The following FAM240C variants were observed in gnomAD, a reference collection of about 807,000 sequenced individuals.
The protein encoded by FAM240C is protein FAM240C.
Under a neutral mutation model 10.0 loss-of-function variants are expected in FAM240C, and 14 were observed. The ratio of observed to expected loss-of-function variants is 1.40; its 90% CI spans 0.92 to 2.19. FAM240C has a LOEUF of 2.19. FAM240C is among the 30% of genes most tolerant of loss of function. The probability of loss-of-function intolerance (pLI) is 0.00; values close to 1 mark genes in which losing one functional copy is unlikely to be tolerated. For missense variants in FAM240C, 154 were observed against 122.3 expected, an observed-to-expected ratio of 1.26 and a Z score of -1.22; for synonymous variants, 49 against 44.3, an observed-to-expected ratio of 1.11 and a Z score of -0.42.
At chr2:241,901,799 G>A (rs1444238189), upstream of FAM240C, among the ~76,000 whole-genome samples, 5 of 152,226 alleles carry the variant, frequency 3.3e-5, no homozygotes, top group African/African-American at 1.2e-4. The surrounding 1 kb of genome is among the most constrained non-coding windows in gnomAD (Gnocchi z 4.9). Flanking sequence ...GCAGGACTGC[G>A]TTTTTGTAAA....
At chr2:241,897,506 G>A (rs1701881650) in intron 1 of FAM240C, among the ~76,000 whole-genome samples, 172 bp from the exon 2 acceptor site, 1 of 152,160 alleles carries the variant, frequency 6.6e-6, no homozygotes, top group Non-Finnish European at 1.5e-5. Context: ...TCAGGCCTCA[G>A]GTGGCTCCTG....
Position 241,894,194 on chromosome 2 carries a change from G to T in FAM240C, c.*19C>A. 6.5e-7 allele frequency: 1 copy of T among 1,547,578 alleles called. No homozygotes were observed. Among genetic ancestry groups the T allele is most frequent in the South Asian group, 1.2e-5 (1 of 83,982 alleles). ...ATGACCCTCCGGAAGCTCATGCAGA[G>T]TCTGGAGCTCGTGGGCCCTCAGGCC... is the stretch of plus-strand genomic sequence containing the variant. On this transcript the variant is annotated 3_prime_UTR_variant, in exon 3 of 3. Coordinates refer to ENST00000404031, the MANE Select transcript of FAM240C (RefSeq NM_001382368.1).
rs746154878 is a variant in FAM240C, at chr2:241,897,267, A to G, written c.80T>C (p.Met27Thr). 1 of 1,549,876 alleles carries G rather than the reference A, an allele frequency of 6.5e-7. No individual in the cohort carries two copies. Among genetic ancestry groups the G allele is most frequent in the South Asian group, 1.2e-5 (1 of 84,066 alleles). The stretch of plus-strand genomic sequence containing the variant: ...ATGCTCGATTTTTTTCTCCCAAAAC[A>G]TCTTTATCCCGCCTGAATCGTATGC... ...RVAYDSGGIK[M>T]FWEKKIEHHA... Residue 27 changes from methionine to threonine, a missense_variant, in exon 2 of 3, where the codon ATG becomes ACG. Transcript: ENST00000404031.
At chr2:241,899,493 C>T (rs1012065498) in intron 1 of FAM240C, among the ~76,000 whole-genome samples, 4 of 152,204 alleles carry the variant, frequency 2.6e-5, no homozygotes, top group African/African-American at 4.8e-5. Context: ...CAGTCAGGGC[C>T]GGGCCCAGCT....
intron 2 of FAM240C, among the ~76,000 whole-genome samples, chr2:241,896,714 G>GAA (rs1183128716): frequency 8.7e-3 from 13 of 1,498 alleles, no homozygotes; most frequent in Non-Finnish European, 0.015. Context: ...TGTGGGTGTT[G>GAA]GGGGTGTGTG....
upstream of FAM240C, among the ~76,000 whole-genome samples, chr2:241,900,829 C>G (rs1701966351): frequency 6.6e-6 from 1 of 152,102 alleles, no homozygotes; most frequent in African/African-American, 2.4e-5. This position sits in a 1 kb window ranked among gnomAD's most constrained non-coding sequence, Gnocchi z 4.5. Flanking sequence ...ACACTCAAGG[C>G]AGGTGTGGAA....
At chr2:241,899,038 CAG>C in intron 1 of FAM240C, 6 of 993,538 alleles carry the variant, frequency 6.0e-6, no homozygotes, top group Non-Finnish European at 7.1e-6. Flanking sequence ...GGGAAGAACA[CAG>C]GGTGGCAGGA....
At chr2:241,896,938 G>T (rs1465783332) in intron 2 of FAM240C, among the ~76,000 whole-genome samples, 1 of 151,748 alleles carries the variant, frequency 6.6e-6, no homozygotes, top group Non-Finnish European at 1.5e-5. Context: ...TGAGCTCCTG[G>T]TCTCACGGTT....
chr2:241,894,283 G>A lies in FAM240C; in HGVS notation c.218C>T (p.Pro73Leu), dbSNP rs1701732526. Residue 73 changes from proline (P) to leucine (L), a missense_variant, in exon 3 of 3, where the codon CCA becomes CTA. Pro to Leu is a moderately conservative substitution (Grantham distance 98, BLOSUM62 -3). Coordinates refer to ENST00000404031, the MANE Select transcript of FAM240C (RefSeq NM_001382368.1). ...CGGGACCCTGTCTGGGCATCTCCCT[G>A]GGCCCTGCAGCATCTTGTTCCTCCC... ...LEGRNKMLQG[P>L]GRCPDRVPEA... 1.3e-6 allele frequency: 2 copies of A among 1,549,618 alleles called. No homozygotes were observed. The highest frequency in any genetic ancestry group is 1.7e-6 in the Non-Finnish European group (2 of 1,146,736).
chr2:241,899,458 G>A (rs568479979), intron 1 of FAM240C: 17 of 520,152 alleles, frequency 3.3e-5, no homozygotes, highest in Non-Finnish European at 4.2e-5. Flanking sequence ...CATCCAATGA[G>A]GAGGGTGGGA....
chr2:241,898,410 G>A (rs1701903150), intron 1 of FAM240C, among the ~76,000 whole-genome samples: 1 of 152,110 alleles, frequency 6.6e-6, no homozygotes, highest in Admixed American at 6.5e-5. Context: ...AAATTAGCCG[G>A]GATTGGTGGT....
intron 1 of FAM240C, among the ~76,000 whole-genome samples, chr2:241,898,151 T>C (rs1404976734): frequency 6.6e-6 from 1 of 152,206 alleles, no homozygotes; most frequent in Non-Finnish European, 1.5e-5. Flanking sequence ...TGCTATTTGA[T>C]GTAATATGCT....
intron 1 of FAM240C, chr2:241,899,205 G>C: frequency 1.5e-6 from 2 of 1,303,990 alleles, no homozygotes; most frequent in Non-Finnish European, 2.0e-6. Context: ...GGAGCTTGAT[G>C]TGACCCCTGG....
chr2:241,894,467 G>T, intron 2 of FAM240C, 128 bp from the exon 3 acceptor site: 10 of 1,080,560 alleles, frequency 9.3e-6, no homozygotes, highest in Non-Finnish European at 1.3e-5. Flanking sequence ...CAGGGGTGGG[G>T]GTGTCACCGC....
Position 241,894,165 on chromosome 2 carries a change from C to G in FAM240C, c.*48G>C. 6.5e-7 allele frequency: 1 copy of G among 1,527,416 alleles called. No individual in the cohort carries two copies. Among genetic ancestry groups the G allele is most frequent in the Non-Finnish European group, 8.9e-7 (1 of 1,129,730 alleles). The allele number at this position is 1,527,416 out of a possible 1,614,324, so 94.6% of individuals were successfully genotyped here. On this transcript the variant is annotated 3_prime_UTR_variant, in exon 3 of 3. Coordinates refer to ENST00000404031, the MANE Select transcript of FAM240C (RefSeq NM_001382368.1). Reference sequence around the variant, plus strand: ...TTGGACCCCACGCGTGGTGTTCCTTCTCCATGACCCTCCGGAAGCTCATGC... The same window carrying G: ...TTGGACCCCACGCGTGGTGTTCCTTGTCCATGACCCTCCGGAAGCTCATGC...
At position 241,897,292 on chromosome 2, in the gene FAM240C, C is replaced by T. The variant is rs979018032; in HGVS notation, c.55G>A (p.Ala19Thr). The T allele has an allele frequency of 1.9e-6, 3 of 1,549,692 alleles. No homozygotes were observed. The Admixed American group carries it at 5.9e-5, about 30-fold the overall frequency. The change falls in exon 2 of 3, where the codon GCA becomes ACA. Residue 19 changes from alanine (A) to threonine (T), a missense_variant. Transcript: ENST00000404031. ...SLTLKNPGRV[A>T]YDSGGIKMFW... Reference sequence around the variant, plus strand: ...ATCTTTATCCCGCCTGAATCGTATGCTACTCTTCCAGGATTCTTAAGAGTG... The same window carrying T: ...ATCTTTATCCCGCCTGAATCGTATGTTACTCTTCCAGGATTCTTAAGAGTG...
chr2:241,899,415 A>G (rs1420410538), intron 1 of FAM240C: 9 of 873,596 alleles, frequency 1.0e-5, no homozygotes, highest in Non-Finnish European at 1.2e-5. Flanking sequence ...GCCTGTGCTG[A>G]GGACGCTGGC....
chr2:241,894,361 G>C, intron 2 of FAM240C, 22 bp from the exon 3 acceptor site: 2 of 1,530,220 alleles, frequency 1.3e-6, no homozygotes, highest in South Asian at 1.2e-5. Flanking sequence ...CGATAATTTC[G>C]GCATTGTGAG....
At chr2:241,901,314 C>T (rs1213435702), upstream of FAM240C, among the ~76,000 whole-genome samples, 1 of 152,196 alleles carries the variant, frequency 6.6e-6, no homozygotes, top group Non-Finnish European at 1.5e-5. The surrounding 1 kb of genome is among the most constrained non-coding windows in gnomAD (Gnocchi z 4.9). Context: ...GCAGCAGGGC[C>T]GGCCCAGGGC....
Sources: gnomAD v4.1 joint callset for allele counts (sites outside exome capture counted in the v4.1 genomes callset) on GRCh38, gnomAD v4.1.1 for gene constraint, Gnocchi (gnomAD v3.1) non-coding constraint, MANE v1.5 for transcripts, NCBI Gene and HGNC (gene_info 2026-07-23, HGNC 2026-07-21) for gene names.